PUS7L: variants seen among roughly 807,000 people sequenced by gnomAD.
The protein encoded by PUS7L is pseudouridine synthase 7 like.
A neutral mutation model predicts 51.1 loss-of-function variants in PUS7L; 49 were observed. That is an observed-to-expected ratio of 0.96 (90% confidence interval 0.76 to 1.22). The LOEUF is 1.22. PUS7L is among the 50% of genes most tolerant of loss of function. The probability of loss-of-function intolerance (pLI) is 0.00; values close to 1 mark genes in which losing one functional copy is unlikely to be tolerated. For missense variants in PUS7L, 828 were observed against 820.6 expected (o/e 1.01, Z -0.11); for synonymous variants, 277 against 276.2 (o/e 1.00, Z -0.03).
intron 1 of PUS7L, chr12:43,758,393 G>C: frequency 2.0e-6 from 2 of 985,598 alleles, no homozygotes; most frequent in Non-Finnish European, 2.4e-6. Context: ...TGCTTGGCCC[G>C]TGGTTGAGGA....
At chr12:43,748,874 C>A (rs1046252546) in intron 2 of PUS7L, among the ~76,000 whole-genome samples, 1 of 152,060 alleles carries the variant, frequency 6.6e-6, no homozygotes, top group Non-Finnish European at 1.5e-5. Flanking sequence ...CAGGTACACA[C>A]CACCACGCCC....
chr12:43,724,213 A>G lies in PUS7L; in HGVS notation c.*6163T>C, dbSNP rs931860298. The G allele has an allele frequency of 2.6e-5, 4 of 151,976 alleles. No individual in the cohort carries two copies. Among genetic ancestry groups the G allele is most frequent in the African/African-American group, 4.8e-5 (2 of 41,434 alleles). 9.4% of individuals were successfully genotyped at this position (151,976 alleles called of 1,614,324 possible). ...TCCCAGGTAGAAAACGTTAAGGAAC[A>G]TTGACCTAGACAGCTCTTAAAGATC... is the stretch of plus-strand genomic sequence containing the variant. On this transcript the variant is annotated 3_prime_UTR_variant, in exon 9 of 9. Coordinates refer to ENST00000344862, the MANE Select transcript of PUS7L (RefSeq NM_031292.5).
intron 2 of PUS7L, 76 bp from the exon 3 acceptor site, chr12:43,748,685 G>A (rs1051638936): frequency 8.8e-7 from 1 of 1,136,792 alleles, no homozygotes; most frequent in Admixed American, 2.7e-5. Flanking sequence ...TAACAGATTA[G>A]TATAATAAAT....
Position 43,738,375 on chromosome 12 carries a change from A to G in PUS7L, c.1379T>C (p.Leu460Ser). 3.2e-6 allele frequency: 5 copies of G among 1,579,638 alleles called. No individual in the cohort carries two copies. The highest frequency in any genetic ancestry group is 4.3e-6 in the Non-Finnish European group (5 of 1,150,582). ...LKNEMMKAIK[L>S]FLTPEDLDDP... ...ATCCAAGTCTTCTGGTGTAAGAAAC[A>G]ATTTTATGGCTTTCATCTTAAAAAA... Residue 460 changes from leucine to serine, a missense_variant, in exon 6 of 9, where the codon TTG becomes TCG. Leu to Ser is a moderately radical substitution (Grantham distance 145). Transcript: ENST00000344862.
chr12:43,749,904 G>A (rs1462692961), intron 2 of PUS7L, among the ~76,000 whole-genome samples: 1 of 152,142 alleles, frequency 6.6e-6, no homozygotes, highest in Non-Finnish European at 1.5e-5. Flanking sequence ...AGGTAGGAGG[G>A]AGGAAGGGCA....
rs1385870167 is a variant in PUS7L, at chr12:43,723,137, CT to C, written c.*7238del. On this transcript the variant is annotated 3_prime_UTR_variant, in exon 9 of 9. Transcript: ENST00000344862. ...TTAAATAATTTCATGGCTATTCTGACTTCTTTCCATAGTAAAATTTTTCTTT... is the reference window on the plus strand; with the variant it reads ...TTAAATAATTTCATGGCTATTCTGACTCTTTCCATAGTAAAATTTTTCTTT... 6.6e-6 allele frequency: 1 copy of C among 152,030 alleles called. No individual in the cohort carries two copies. Among genetic ancestry groups the C allele is most frequent in the African/African-American group, 2.4e-5 (1 of 41,414 alleles). 9.4% of individuals were successfully genotyped at this position (152,030 alleles called of 1,614,324 possible).
chr12:43,746,147 T>G lies in PUS7L; in HGVS notation c.1162A>C (p.Lys388Gln), dbSNP rs1351850699. The G allele has an allele frequency of 6.6e-7, 1 of 1,525,132 alleles. No homozygotes were observed. The highest frequency in any genetic ancestry group is 9.1e-7 in the Non-Finnish European group (1 of 1,103,444). 94.5% of individuals were successfully genotyped at this position (1,525,132 alleles called of 1,614,324 possible). A position where few individuals can be genotyped will look rare whatever the true frequency, so the allele number is the denominator to read the frequency against. ...VDDSLRLGQL[K>Q]GNHFDIVIRN... ...ATGACAATATCAAAGTGATTTCCTT[T>G]GAGCTGACCAAGTCTCAGGGAATCA... Residue 388 changes from lysine (K) to glutamine (Q), a missense_variant, in exon 4 of 9, where the codon AAA becomes CAA. Lys to Gln is a moderately conservative substitution (Grantham distance 53). Transcript: ENST00000344862.
At chr12:43,736,767 G>A (rs982919196) in intron 6 of PUS7L, 106 bp from the exon 7 acceptor site, 24 of 976,034 alleles carry the variant, frequency 2.5e-5, no homozygotes, top group Non-Finnish European at 3.3e-5. Flanking sequence ...TGGGTATTAA[G>A]ATGATATTCA....
rs1480995626 is a variant in PUS7L at position 43,724,544 on chromosome 12, T to C, written c.*5832A>G. The C allele has an allele frequency of 5.9e-5, 9 of 152,140 alleles. No homozygotes were observed. The highest frequency in any genetic ancestry group is 5.9e-4 in the Admixed American group (9 of 15,272). The allele number at this position is 152,140 out of a possible 1,614,324, so 9.4% of individuals were successfully genotyped here. On this transcript the variant is annotated 3_prime_UTR_variant, in exon 9 of 9. Coordinates refer to ENST00000344862, the MANE Select transcript of PUS7L (RefSeq NM_031292.5). ...CAGTAAAATTTTAAGATATAGCATG[T>C]GGTCATCAATGCCTCTGCTCATAAT...
rs1478961055 is a variant in PUS7L at position 43,719,615 on chromosome 12, G to A, written c.*10761C>T. ...CATCTGGCCCTGACCTTCCCTATAT[G>A]GAAAAATTTTAAACTACTGGTTCAT... On this transcript the variant is annotated 3_prime_UTR_variant, in exon 9 of 9. Transcript: ENST00000344862. 1 of 151,744 alleles carries A rather than the reference G, an allele frequency of 6.6e-6. No individual in the cohort carries two copies. Among genetic ancestry groups the A allele is most frequent in the Non-Finnish European group, 1.5e-5 (1 of 67,930 alleles). 9.4% of individuals were successfully genotyped at this position (151,744 alleles called of 1,614,324 possible).
At chr12:43,730,900 T>C (rs2137659890) in intron 8 of PUS7L, among the ~76,000 whole-genome samples, 198 bp from the exon 9 acceptor site, 1 of 152,246 alleles carries the variant, frequency 6.6e-6, no homozygotes, top group South Asian at 2.1e-4. Flanking sequence ...CTAACTAAAA[T>C]CAAGGACTCA....
intron 1 of PUS7L, among the ~76,000 whole-genome samples, chr12:43,757,678 T>C (rs984200759): frequency 6.6e-6 from 1 of 152,130 alleles, no homozygotes; most frequent in Non-Finnish European, 1.5e-5. Flanking sequence ...TATTGTTAAA[T>C]AAATGAAATA....
rs749256220 is a variant in PUS7L, at chr12:43,738,291, G to A, written c.1444+19C>T. 7.8e-7 allele frequency: 1 copy of A among 1,287,714 alleles called. No individual in the cohort carries two copies. Among genetic ancestry groups the A allele is most frequent in the Non-Finnish European group, 1.1e-6 (1 of 882,880 alleles). The allele number at this position is 1,287,714 out of a possible 1,614,324, so 79.8% of individuals were successfully genotyped here. A position where few individuals can be genotyped will look rare whatever the true frequency, so the allele number is the denominator to read the frequency against. Reference sequence around the variant, plus strand: ...TCTGTATCTGCATGGTTATGTACAGGATAAAGAAACGTAAATACCAGTTTG... The same window carrying A: ...TCTGTATCTGCATGGTTATGTACAGAATAAAGAAACGTAAATACCAGTTTG... On this transcript the variant is annotated intron_variant, in intron 6 of 8. Coordinates refer to ENST00000344862, the MANE Select transcript of PUS7L (RefSeq NM_031292.5).
intron 1 of PUS7L, among the ~76,000 whole-genome samples, chr12:43,756,679 T>C (rs576790104): frequency 2.6e-5 from 4 of 152,350 alleles, no homozygotes; most frequent in Non-Finnish European, 5.9e-5. Flanking sequence ...TCATCCACTG[T>C]CACGGTCATA....
chr12:43,727,725 A>G lies in PUS7L; in HGVS notation c.*2651T>C, dbSNP rs1307975165. ...AAAGATGAGGATAGAAAAACAACCT[A>G]TCAGGTACTATGCTCATTATCTGGG... On this transcript the variant is annotated 3_prime_UTR_variant, in exon 9 of 9. Coordinates refer to ENST00000344862, the MANE Select transcript of PUS7L (RefSeq NM_031292.5). The G allele has an allele frequency of 6.6e-6, 1 of 152,156 alleles. No homozygotes were observed. The highest frequency in any genetic ancestry group is 2.4e-5 in the African/African-American group (1 of 41,438). The allele number at this position is 152,156 out of a possible 1,614,324, so 9.4% of individuals were successfully genotyped here.
intron 6 of PUS7L, 98 bp downstream of exon 6, chr12:43,738,212 C>A: frequency 4.1e-6 from 3 of 726,768 alleles, no homozygotes; most frequent in South Asian, 3.1e-5. Context: ...TATTTCTTAT[C>A]ACATTTATGT....
chr12:43,757,867 G>C (rs939838381), intron 1 of PUS7L, among the ~76,000 whole-genome samples: 1 of 152,228 alleles, frequency 6.6e-6, no homozygotes, highest in South Asian at 2.1e-4. Context: ...TCCAGATACA[G>C]AGCAGTGGGG....
Position 43,726,275 on chromosome 12 carries a change from A to AC in PUS7L, c.*4100dup, listed in dbSNP as rs1215718547. On this transcript the variant is annotated 3_prime_UTR_variant, in exon 9 of 9. Transcript: ENST00000344862. Reference sequence around the variant, plus strand: ...AGCTACTTGATTTTTGTTAAAGTCAACAATAACAAGCAACAGGGAAAGGAC... The same window carrying AC: ...AGCTACTTGATTTTTGTTAAAGTCAACCAATAACAAGCAACAGGGAAAGGAC... The AC allele has an allele frequency of 6.6e-6, 1 of 152,220 alleles. No homozygotes were observed. Among genetic ancestry groups the AC allele is most frequent in the Non-Finnish European group, 1.5e-5 (1 of 68,036 alleles). 9.4% of individuals were successfully genotyped at this position (152,220 alleles called of 1,614,324 possible). A position where few individuals can be genotyped will look rare whatever the true frequency, so the allele number is the denominator to read the frequency against.
chr12:43,736,175 A>G (rs948259487), intron 7 of PUS7L, among the ~76,000 whole-genome samples: 2 of 152,142 alleles, frequency 1.3e-5, no homozygotes, highest in East Asian at 3.9e-4. Context: ...CTTTCACTCC[A>G]TACCACTATT....
Sources: gnomAD v4.1 joint callset for allele counts (sites outside exome capture counted in the v4.1 genomes callset) on GRCh38, gnomAD v4.1.1 for gene constraint, MANE v1.5 for transcripts, NCBI Gene and HGNC (gene_info 2026-07-23, HGNC 2026-07-21) for gene names.